Variants in C12orf56 observed in about 807,000 individuals in gnomAD.
The protein encoded by C12orf56 is chromosome 12 open reading frame 56.
C12orf56 carries 71 observed loss-of-function variants against 69.9 expected under a neutral mutation model. The observed-to-expected ratio is 1.02, with a 90% CI of 0.84 to 1.24. The LOEUF (loss-of-function observed/expected upper bound fraction) is 1.24. Ranked by LOEUF, C12orf56 falls within the 50% of genes most tolerant of loss-of-function variation. C12orf56 has a pLI of 0.00. For synonymous variants in C12orf56, 276 were observed against 274.1 expected, an observed-to-expected ratio of 1.01 and a Z score of -0.07; for missense variants, 732 against 738.5, an observed-to-expected ratio of 0.99 and a Z score of 0.10.
intron 1 of C12orf56, chr12:64,355,788 A>G (rs2039303357): frequency 6.6e-6 from 1 of 152,476 alleles, no homozygotes; most frequent in Admixed American, 6.5e-5. Flanking sequence ...TGCCTACATC[A>G]TAACAAGCTT....
At chr12:64,367,361 A>T (rs1308097791) in intron 1 of C12orf56, among the ~76,000 whole-genome samples, 1 of 141,632 alleles carries the variant, frequency 7.1e-6, no homozygotes, top group Non-Finnish European at 1.5e-5. Flanking sequence ...ATATTATATT[A>T]TATATAGTTT....
intron 2 of C12orf56, among the ~76,000 whole-genome samples, chr12:64,350,588 G>A (rs1347475463): frequency 2.0e-5 from 3 of 152,092 alleles, no homozygotes; most frequent in Non-Finnish European, 4.4e-5. Flanking sequence ...CCCCATACAG[G>A]GTTCCTAATT....
At chr12:64,309,827 T>C (rs1161042013) in intron 5 of C12orf56, among the ~76,000 whole-genome samples, 1 of 152,060 alleles carries the variant, frequency 6.6e-6, no homozygotes, top group Non-Finnish European at 1.5e-5. Flanking sequence ...ACTCACACTT[T>C]TGAGTCAGAT....
At chr12:64,276,333 A>G (rs909405028) in intron 9 of C12orf56, among the ~76,000 whole-genome samples, 2 of 152,192 alleles carry the variant, frequency 1.3e-5, no homozygotes, top group Admixed American at 6.5e-5. Flanking sequence ...GACAAGGGCT[A>G]TGAAAGAAAT....
chr12:64,376,969 C>T (rs2039650060), intron 1 of C12orf56, among the ~76,000 whole-genome samples: 2 of 151,910 alleles, frequency 1.3e-5, no homozygotes, highest in Non-Finnish European at 2.9e-5. Flanking sequence ...AATTAATTTA[C>T]ACTACCACCA....
intron 6 of C12orf56, among the ~76,000 whole-genome samples, chr12:64,300,557 G>T (rs1025856199): frequency 6.6e-6 from 1 of 151,974 alleles, no homozygotes; most frequent in Non-Finnish European, 1.5e-5. Context: ...CTTCCCCTTT[G>T]AGCACTGTCC....
chr12:64,347,943 TGAAA>T (rs1177729124), intron 2 of C12orf56, among the ~76,000 whole-genome samples: 2 of 152,178 alleles, frequency 1.3e-5, no homozygotes, highest in African/African-American at 4.8e-5. Context: ...ATTAATCTTG[TGAAA>T]GAAATTCTGT....
rs776548952 is a variant in C12orf56 at position 64,284,693 on chromosome 12, T to C, written c.1281A>G (p.Ser427=). Residue 427 remains serine (S), a synonymous_variant, in exon 8 of 13, where the codon TCA becomes TCG. Transcript: ENST00000543942. The stretch of plus-strand genomic sequence containing the variant: ...TAGCTGCCAATGTGTTCAGGCGTGA[T>C]GACTCGGTTTCTGTTTCTCTGAACA... The part of the protein sequence containing the change: ...VLMFRETETE[S]SRLNTLAAKK... 6.8e-6 allele frequency: 11 copies of C among 1,612,594 alleles called. No individual in the cohort carries two copies. In the South Asian group the frequency reaches 1.2e-4, roughly 18 times the overall value.
At chr12:64,296,172 G>A (rs2038361725) in intron 6 of C12orf56, among the ~76,000 whole-genome samples, 1 of 152,142 alleles carries the variant, frequency 6.6e-6, no homozygotes, top group African/African-American at 2.4e-5. Flanking sequence ...ATTGGTTAAC[G>A]GATAGAGGCT....
At chr12:64,285,927 ATC>A in intron 7 of C12orf56, 25 bp downstream of exon 7, 1 of 1,446,456 alleles carries the variant, frequency 6.9e-7, no homozygotes, top group Non-Finnish European at 9.4e-7. Context: ...AAAAAAAAAA[ATC>A]GATGATTATC....
chr12:64,312,592 G>A lies in C12orf56; in HGVS notation c.968+87C>T, dbSNP rs892457133. On this transcript the variant is annotated intron_variant, in intron 5 of 12. Transcript: ENST00000543942. Reference sequence around the variant, plus strand: ...CCACTGCACTCCAGCCTGGGAAACAGAGTGAGACTCAGTTTCAAAAAAAAG... The same window carrying A: ...CCACTGCACTCCAGCCTGGGAAACAAAGTGAGACTCAGTTTCAAAAAAAAG... 49 of 993,632 alleles carry A rather than the reference G, an allele frequency of 4.9e-5. No individual in the cohort carries two copies. In the South Asian group the frequency reaches 6.9e-4, roughly 14 times the overall value. The allele number at this position is 993,632 out of a possible 1,614,324, so 61.6% of individuals were successfully genotyped here.
chr12:64,387,834 A>G (rs2135992854), intron 1 of C12orf56, among the ~76,000 whole-genome samples: 1 of 152,312 alleles, frequency 6.6e-6, no homozygotes, highest in South Asian at 2.1e-4. Flanking sequence ...AACAAAACAA[A>G]AAAACAAGAG....
chr12:64,361,779 C>CT lies in C12orf56; in HGVS notation c.253-8724dup, dbSNP rs1453436119. ...TGGAGTTTTGCTCTTGTTGCCCAGGCTGGAGTGCAATGGCACAATCTCGGC... is the reference window on the plus strand; with the variant it reads ...TGGAGTTTTGCTCTTGTTGCCCAGGCTTGGAGTGCAATGGCACAATCTCGGC... On this transcript the variant is annotated intron_variant, in intron 1 of 12. Transcript: ENST00000543942. 8.5e-5 allele frequency among the ~76,000 whole-genome samples: 13 copies of CT among 152,058 alleles called. 1 individual carries two copies. Among genetic ancestry groups the CT allele is most frequent in the Non-Finnish European group, 1.8e-4 (12 of 67,998 alleles).
At position 64,318,766 on chromosome 12, in the gene C12orf56, A is replaced by AGTT. The variant is rs113411861; in HGVS notation, c.700_702dup (p.Asn234dup). 628,434 of 1,536,538 alleles carry AGTT rather than the reference A, an allele frequency of 0.41. 130,274 individuals are homozygous for AGTT. The highest frequency in any genetic ancestry group is 0.54 in the African/African-American group (39,444 of 72,914). ...CACTTGAAAGGAATTTCACTTATGGAGTTGTGATCTGGAAGTCCCTGGGGT... is the reference window on the plus strand; with the variant it reads ...CACTTGAAAGGAATTTCACTTATGGAGTTGTTGTGATCTGGAAGTCCCTGGGGT... On this transcript the variant is annotated inframe_insertion, in exon 4 of 13. Transcript: ENST00000543942.
intron 1 of C12orf56, among the ~76,000 whole-genome samples, chr12:64,361,166 C>T (rs1359831321): frequency 1.3e-5 from 2 of 152,120 alleles, no homozygotes; most frequent in African/African-American, 4.8e-5. Context: ...CTGCAGTGAA[C>T]TGAGATTGCG....
At chr12:64,319,169 G>C (rs2038735988) in intron 3 of C12orf56, among the ~76,000 whole-genome samples, 189 bp from the exon 4 acceptor site, 1 of 152,128 alleles carries the variant, frequency 6.6e-6, no homozygotes, top group Non-Finnish European at 1.5e-5. Context: ...CAATCTTTTA[G>C]TATACGTTTC....
intron 1 of C12orf56, among the ~76,000 whole-genome samples, chr12:64,369,982 CAA>C (rs761872853): frequency 5.5e-4 from 41 of 74,756 alleles, no homozygotes; most frequent in Admixed American, 6.3e-4. Flanking sequence ...GACTCTGTCT[CAA>C]AAAAAAAAAA....
At chr12:64,346,449 A>G (rs2039143591) in intron 2 of C12orf56, among the ~76,000 whole-genome samples, 1 of 152,194 alleles carries the variant, frequency 6.6e-6, no homozygotes, top group Admixed American at 6.5e-5. Flanking sequence ...CAACACCTTC[A>G]CACACATACC....
intron 8 of C12orf56, among the ~76,000 whole-genome samples, chr12:64,280,926 T>C (rs879440272): frequency 3.3e-5 from 5 of 152,200 alleles, no homozygotes; most frequent in Non-Finnish European, 5.9e-5. Context: ...AAGAAATACA[T>C]GTTGTTTTAA....
Sources: allele counts gnomAD v4.1 joint callset (sites outside exome capture counted in the v4.1 genomes callset), GRCh38; gene constraint gnomAD v4.1.1; transcripts MANE v1.5; gene names NCBI Gene and HGNC (gene_info 2026-07-23, HGNC 2026-07-21).